The following SNAP29 variants were observed in gnomAD, a reference collection of about 807,000 sequenced individuals.
SNAP29 encodes synaptosome associated protein 29.
SNAP29 carries 13 observed loss-of-function variants against 27.9 expected under a neutral mutation model. The ratio of observed to expected loss-of-function variants is 0.47; its 90% CI spans 0.30 to 0.74. SNAP29 has a LOEUF of 0.74. Among genes scored for constraint, SNAP29 ranks in the 30% least tolerant of loss-of-function variants. The probability of loss-of-function intolerance (pLI) is 0.06; values close to 1 mark genes in which losing one functional copy is unlikely to be tolerated. For missense variants in SNAP29, 368 were observed against 336.5 expected (o/e 1.09, Z -0.73); for synonymous variants, 119 against 127.1 (o/e 0.94, Z 0.43).
In SNAP29 at chr22:20,859,060, G is replaced by A; in HGVS notation, c.-51G>A. ...GCGGGGCGAGGCCCTGGACGGCGGC[G>A]GCAGTGGGGCTCCTCCTTCTGTTTC... On this transcript the variant is annotated 5_prime_UTR_variant, in exon 1 of 5. Coordinates refer to ENST00000215730, the MANE Select transcript of SNAP29 (RefSeq NM_004782.4). The A allele has an allele frequency of 1.4e-6, 2 of 1,474,928 alleles. No homozygotes were observed. Among genetic ancestry groups the A allele is most frequent in the Non-Finnish European group, 1.9e-6 (2 of 1,067,340 alleles). The allele number at this position is 1,474,928 out of a possible 1,614,324, so 91.4% of individuals were successfully genotyped here. A position where few individuals can be genotyped will look rare whatever the true frequency, so the allele number is the denominator to read the frequency against.
intron 2 of SNAP29, among the ~76,000 whole-genome samples, chr22:20,877,543 C>T (rs1384339037): frequency 6.6e-6 from 1 of 151,664 alleles, no homozygotes; most frequent in Non-Finnish European, 1.5e-5. Context: ...GCAACAAGAG[C>T]AGAACTCCCT....
Position 20,859,204 on chromosome 22 carries a change from C to T in SNAP29, c.94C>T (p.Pro32Ser), listed in dbSNP as rs748381486. ...CCCTTGGAGGGACGCCCGAGACCTC[C>T]CCGACGGGCCCGACGCGCCCGCGGA... ...PAPWRDARDL[P>S]DGPDAPADRQ... Residue 32 changes from proline (P) to serine (S), a missense_variant, in exon 1 of 5, where the codon CCC (proline) becomes TCC (serine). Coordinates refer to ENST00000215730, the MANE Select transcript of SNAP29 (RefSeq NM_004782.4). The T allele has an allele frequency of 1.9e-6, 3 of 1,601,236 alleles. No homozygotes were observed. Among genetic ancestry groups the T allele is most frequent in the Non-Finnish European group, 2.6e-6 (3 of 1,175,244 alleles).
intron 4 of SNAP29, among the ~76,000 whole-genome samples, chr22:20,886,995 G>A (rs938618508): frequency 2.0e-5 from 3 of 151,938 alleles, no homozygotes; most frequent in South Asian, 2.1e-4. Flanking sequence ...AGGCCAAGAC[G>A]GGCGGATCAC....
chr22:20,882,185 C>A (rs1928906933), intron 3 of SNAP29, among the ~76,000 whole-genome samples: 1 of 151,632 alleles, frequency 6.6e-6, no homozygotes. Flanking sequence ...CCAGTGAGAC[C>A]CATGTTGGAC....
At chr22:20,859,603 C>T in intron 1 of SNAP29, 2 of 547,374 alleles carry the variant, frequency 3.7e-6, no homozygotes, top group Non-Finnish European at 6.5e-6. Flanking sequence ...TTTCTTACGC[C>T]TAGCTCACGG....
At chr22:20,870,086 A>G (rs1475362176) in intron 1 of SNAP29, among the ~76,000 whole-genome samples, 1 of 152,018 alleles carries the variant, frequency 6.6e-6, no homozygotes, top group East Asian at 1.9e-4. Context: ...CCATCTTAAC[A>G]TGGCGCCATG....
chr22:20,859,380 C>G (rs753201191), intron 1 of SNAP29, 33 bp downstream of exon 1: 4 of 1,421,616 alleles, frequency 2.8e-6, no homozygotes, highest in Admixed American at 3.3e-5. Flanking sequence ...GTGGACTCGC[C>G]GGTCTCTGTG....
intron 3 of SNAP29, 42 bp from the exon 4 acceptor site, chr22:20,883,429 A>C: frequency 8.1e-7 from 1 of 1,238,040 alleles, no homozygotes; most frequent in Non-Finnish European, 1.2e-6. Flanking sequence ...ATTTGAAGGA[A>C]TGTCAATTAA....
chr22:20,859,216 G>A lies in SNAP29; in HGVS notation c.106G>A (p.Asp36Asn), dbSNP rs950708904. 1 of 1,603,894 alleles carries A rather than the reference G, an allele frequency of 6.2e-7. No individual in the cohort carries two copies. The highest frequency in any genetic ancestry group is 8.5e-7 in the Non-Finnish European group (1 of 1,176,332). ...CGCCCGAGACCTCCCCGACGGGCCC[G>A]ACGCGCCCGCGGACAGGCAGCAGTA... ...RDARDLPDGP[D>N]APADRQQYLR... Residue 36 changes from aspartate to asparagine, a missense_variant, in exon 1 of 5, where the codon GAC becomes AAC. Transcript: ENST00000215730.
At chr22:20,879,474 G>A (rs116724059) in intron 2 of SNAP29, among the ~76,000 whole-genome samples, 4,514 of 152,068 alleles carry the variant, frequency 0.03, 89 homozygotes, top group Middle Eastern at 0.065. Flanking sequence ...GGGAGATGGA[G>A]GTTGCAGTAA....
At chr22:20,882,803 T>C (rs1928918980) in intron 3 of SNAP29, among the ~76,000 whole-genome samples, 2 of 152,082 alleles carry the variant, frequency 1.3e-5, no homozygotes, top group Admixed American at 1.3e-4. Flanking sequence ...ATGGTTTCAG[T>C]TGGTTGGTGC....
chr22:20,885,740 A>C (rs193292502), intron 4 of SNAP29, among the ~76,000 whole-genome samples: 27 of 152,292 alleles, frequency 1.8e-4, no homozygotes, highest in African/African-American at 5.8e-4. Context: ...CGCAGTCTAG[A>C]GTAGGAGGTG....
At chr22:20,859,731 G>A in intron 1 of SNAP29, 1 of 288,310 alleles carries the variant, frequency 3.5e-6, no homozygotes, top group South Asian at 3.5e-5. Flanking sequence ...TCTGGCACAG[G>A]GTTTTGGCCA....
chr22:20,887,959 G>C lies in SNAP29; in HGVS notation c.*123G>C, dbSNP rs3171741. 68,649 of 986,578 alleles carry C rather than the reference G, an allele frequency of 0.07. 2,469 individuals carry two copies. Among genetic ancestry groups the C allele is most frequent in the Non-Finnish European group, 0.074 (47,379 of 644,360 alleles). 61.1% of individuals were successfully genotyped at this position (986,578 alleles called of 1,614,324 possible). ...ATGTGTGTTTGCAAATGTTATAATA[G>C]AGTAGGTCTTAAGACATTTTTGCTG... On this transcript the variant is annotated 3_prime_UTR_variant, in exon 5 of 5. Transcript: ENST00000215730.
At chr22:20,878,686 A>G (rs1928808462) in intron 2 of SNAP29, among the ~76,000 whole-genome samples, 1 of 152,106 alleles carries the variant, frequency 6.6e-6, no homozygotes, top group African/African-American at 2.4e-5. Context: ...AGCGCTGTGC[A>G]GGGGGAGGGC....
chr22:20,874,297 GACAC>G (rs1289098752), intron 2 of SNAP29, among the ~76,000 whole-genome samples: 1 of 127,384 alleles, frequency 7.9e-6, no homozygotes, highest in African/African-American at 3.3e-5. Context: ...GCAAGACTCT[GACAC>G]ACACAGACAC....
At chr22:20,884,615 C>G (rs187660391) in intron 4 of SNAP29, among the ~76,000 whole-genome samples, 2 of 152,268 alleles carry the variant, frequency 1.3e-5, no homozygotes, top group East Asian at 3.9e-4. Context: ...CCTTGTGTTT[C>G]CAGGGGGCTG....
chr22:20,860,956 G>C (rs1928301650), intron 1 of SNAP29, among the ~76,000 whole-genome samples: 1 of 152,050 alleles, frequency 6.6e-6, no homozygotes, highest in Non-Finnish European at 1.5e-5. Flanking sequence ...AGGACCGCTT[G>C]AGCCCAGGAT....
chr22:20,871,378 G>A (rs991269335), intron 2 of SNAP29, among the ~76,000 whole-genome samples: 2 of 150,656 alleles, frequency 1.3e-5, no homozygotes, highest in African/African-American at 4.9e-5. Context: ...AGCTACAGGG[G>A]AGACTGAGGT....
Sources: allele counts gnomAD v4.1 joint callset (sites outside exome capture counted in the v4.1 genomes callset), GRCh38; gene constraint gnomAD v4.1.1; transcripts MANE v1.5; gene names NCBI Gene and HGNC (gene_info 2026-07-23, HGNC 2026-07-21).